RASGRF1: variants seen among roughly 807,000 people sequenced by gnomAD.
The protein encoded by RASGRF1 is Ras protein specific guanine nucleotide releasing factor 1.
In RASGRF1, 40 loss-of-function variants were observed where a neutral mutation model predicts 138.7. That is an observed-to-expected ratio of 0.29 (90% CI 0.22 to 0.38). The LOEUF (loss-of-function observed/expected upper bound fraction) is 0.38, where lower values mean the gene tolerates loss of function less well. Among genes scored for constraint, RASGRF1 ranks in the 10% least tolerant of loss-of-function variants. RASGRF1 has a pLI of 1.00. For synonymous variants in RASGRF1, 614 were observed against 663.2 expected, an observed-to-expected ratio of 0.93 and a Z score of 1.14; for missense variants, 1,108 against 1,650.4, an observed-to-expected ratio of 0.67 and a Z score of 5.69.
At chr15:78,968,542 T>C (rs1237147485) in intron 26 of RASGRF1, among the ~76,000 whole-genome samples, 1 of 152,120 alleles carries the variant, frequency 6.6e-6, no homozygotes, top group African/African-American at 2.4e-5. Flanking sequence ...CTCAGTCTCC[T>C]GAAGTGCTGG....
intron 26 of RASGRF1, among the ~76,000 whole-genome samples, chr15:78,965,388 C>T (rs541309605): frequency 9.7e-4 from 148 of 152,294 alleles, no homozygotes; most frequent in Non-Finnish European, 1.3e-3. Flanking sequence ...TAGACCCCCT[C>T]AACAGGCCCT....
intron 23 of RASGRF1, chr15:78,984,577 T>G (rs1338503595): frequency 4.2e-6 from 1 of 235,500 alleles, no homozygotes; most frequent in East Asian, 9.7e-5. Flanking sequence ...ATTAGAATCC[T>G]GGGAAGGGGC....
At chr15:79,043,142 G>C (rs1432231841) in intron 5 of RASGRF1, among the ~76,000 whole-genome samples, 6 of 152,284 alleles carry the variant, frequency 3.9e-5, no homozygotes, top group African/African-American at 1.4e-4. Flanking sequence ...CTTAATCTAG[G>C]AAGACAATAG....
intron 6 of RASGRF1, among the ~76,000 whole-genome samples, chr15:79,033,300 T>C (rs1456157572): frequency 3.3e-5 from 5 of 152,214 alleles, no homozygotes; most frequent in Non-Finnish European, 7.3e-5. Flanking sequence ...TGGAGTGCAG[T>C]GGTGCGGTCT....
chr15:79,081,427 C>T (rs552087060), intron 1 of RASGRF1, among the ~76,000 whole-genome samples: 2 of 152,338 alleles, frequency 1.3e-5, no homozygotes, highest in East Asian at 3.9e-4. Context: ...TTCATTCACA[C>T]TCTGGTGATC....
intron 3 of RASGRF1, among the ~76,000 whole-genome samples, chr15:79,055,152 A>G (rs973700240): frequency 6.6e-6 from 1 of 152,190 alleles, no homozygotes; most frequent in Non-Finnish European, 1.5e-5. Flanking sequence ...CTTCCTCCCC[A>G]TGGATCTTGG....
chr15:79,073,172 A>C lies in RASGRF1; in HGVS notation c.277-8646T>G, dbSNP rs569431005. Among the ~76,000 whole-genome samples the C allele has an allele frequency of 6.6e-6, 1 of 152,054 alleles. No individual in the cohort carries two copies. The highest frequency in any genetic ancestry group is 1.9e-4 in the East Asian group (1 of 5,196). ...CATTCAGATACAGGACCCGAGTCCA[A>C]GTTTCAATAACAAATCTTCACAGGC... On this transcript the variant is annotated intron_variant, in intron 1 of 26. Transcript: ENST00000558480. The surrounding 1 kb of genome is among the most constrained non-coding windows in gnomAD (Gnocchi z 4.2).
chr15:79,068,471 CTATATA>C (rs55712182), intron 1 of RASGRF1, among the ~76,000 whole-genome samples: 9 of 124,960 alleles, frequency 7.2e-5, no homozygotes, highest in East Asian at 2.5e-4. Context: ...CTTTTTGAGC[CTATATA>C]TATATATATA....
chr15:79,006,158 C>T lies in RASGRF1; in HGVS notation c.2075+28G>A, dbSNP rs759188418. The stretch of plus-strand genomic sequence containing the variant: ...CTCCAAGGCTTGGAAGCTCTCCGGG[C>T]ATGGGAGGAGGAGGGCACCTCAGCC... On this transcript the variant is annotated intron_variant, in intron 14 of 26. Transcript: ENST00000558480. The surrounding 1 kb of genome is among the most constrained non-coding windows in gnomAD (Gnocchi z 4.0). 5 of 1,613,072 alleles carry T rather than the reference C, an allele frequency of 3.1e-6. No homozygotes were observed. The East Asian group carries it at 8.9e-5, about 29-fold the overall frequency.
chr15:79,078,853 G>A (rs1018635594), intron 1 of RASGRF1, among the ~76,000 whole-genome samples: 3 of 152,240 alleles, frequency 2.0e-5, no homozygotes, highest in African/African-American at 7.2e-5. Flanking sequence ...ACGTCACTCT[G>A]GGCCCCAAAC....
intron 13 of RASGRF1, among the ~76,000 whole-genome samples, chr15:79,007,138 C>T (rs937692499): frequency 6.6e-6 from 1 of 152,242 alleles, no homozygotes; most frequent in Non-Finnish European, 1.5e-5. Flanking sequence ...GATCTGCTAG[C>T]AGCTGTCAAG....
intron 3 of RASGRF1, among the ~76,000 whole-genome samples, chr15:79,056,131 A>C (rs2057508003): frequency 6.6e-6 from 1 of 152,140 alleles, no homozygotes; most frequent in Non-Finnish European, 1.5e-5. Context: ...GTGGGGATGA[A>C]AAGGGCATTC....
chr15:79,045,767 A>G (rs755164599), intron 5 of RASGRF1, among the ~76,000 whole-genome samples: 39 of 152,040 alleles, frequency 2.6e-4, no homozygotes, highest in African/African-American at 9.2e-4. Flanking sequence ...AGCACATCAC[A>G]CTGTTAGGGA....
At chr15:79,005,269 G>A in intron 14 of RASGRF1, 1 of 985,796 alleles carries the variant, frequency 1.0e-6, no homozygotes, top group Non-Finnish European at 1.2e-6. Context: ...CAGCAGAGGT[G>A]TGGATTGGGG....
At position 79,019,987 on chromosome 15, in the gene RASGRF1, C is replaced by A. The variant is rs564765259; in HGVS notation, c.1606+54G>T. ...GCCTGGCCCAACCTTTAGGAGTGAG[C>A]GTGTGTGTATCTGTGCAAGCACACA... On this transcript the variant is annotated intron_variant, in intron 11 of 26. Coordinates refer to ENST00000558480, the MANE Select transcript of RASGRF1 (RefSeq NM_001145648.3). The A allele has an allele frequency of 5.6e-6, 9 of 1,593,258 alleles. No individual in the cohort carries two copies. In the East Asian group the frequency reaches 1.6e-4, roughly 28 times the overall value.
chr15:78,986,975 T>A (rs1288148156), intron 22 of RASGRF1, among the ~76,000 whole-genome samples: 1 of 152,210 alleles, frequency 6.6e-6, no homozygotes, highest in East Asian at 1.9e-4. Context: ...ATAAAAGTTA[T>A]ACTAATTTTT....
chr15:79,016,611 G>A (rs991152315), intron 12 of RASGRF1, among the ~76,000 whole-genome samples: 11 of 152,244 alleles, frequency 7.2e-5, no homozygotes, highest in Non-Finnish European at 1.0e-4. Flanking sequence ...CTGGGGATGT[G>A]AAAGGGCAAA....
At chr15:78,993,309 G>A in intron 20 of RASGRF1, among the ~76,000 whole-genome samples, 1 of 133,854 alleles carries the variant, frequency 7.5e-6, no homozygotes, top group African/African-American at 2.8e-5. Flanking sequence ...GGTCTGGTGT[G>A]TGTGTGGTAT....
Position 79,058,221 on chromosome 15 carries a change from C to G in RASGRF1, c.531+113G>C. The G allele has an allele frequency of 6.1e-6, 9 of 1,466,574 alleles. No individual in the cohort carries two copies. The South Asian group carries it at 1.2e-4, about 19-fold the overall frequency. 90.8% of individuals were successfully genotyped at this position (1,466,574 alleles called of 1,614,324 possible). A position where few individuals can be genotyped will look rare whatever the true frequency, so the allele number is the denominator to read the frequency against. ...GTCCTAAGTTTGGAGTCTGGAAGAA[C>G]TGCATCTGGGAGCTGCTTTCCCTGC... On this transcript the variant is annotated intron_variant, in intron 3 of 26. Coordinates refer to ENST00000558480, the MANE Select transcript of RASGRF1 (RefSeq NM_001145648.3).
Sources: gnomAD v4.1 joint callset for allele counts (sites outside exome capture counted in the v4.1 genomes callset) on GRCh38, gnomAD v4.1.1 for gene constraint, Gnocchi (gnomAD v3.1) non-coding constraint, MANE v1.5 for transcripts, NCBI Gene and HGNC (gene_info 2026-07-23, HGNC 2026-07-21) for gene names.